The following EFCAB13 variants were observed in gnomAD, a reference collection of about 807,000 sequenced individuals.
The protein encoded by EFCAB13 is EF-hand calcium-binding domain-containing protein 13.
Under a neutral mutation model 110.2 loss-of-function variants are expected in EFCAB13, and 91 were observed. The observed-to-expected ratio is 0.83, with a 90% CI of 0.70 to 0.98. The LOEUF (loss-of-function observed/expected upper bound fraction) is 0.98, where lower values mean the gene tolerates loss of function less well. Ranked by LOEUF, EFCAB13 falls within the 50% of genes least tolerant of loss-of-function variation. EFCAB13 has a pLI of 0.00. For missense variants in EFCAB13, 968 were observed against 1,119.4 expected, an observed-to-expected ratio of 0.86 and a Z score of 1.93; for synonymous variants, 323 against 369.9, an observed-to-expected ratio of 0.87 and a Z score of 1.45.
chr17:47,368,500 A>G (rs944521367), intron 10 of EFCAB13, among the ~76,000 whole-genome samples: 3 of 152,208 alleles, frequency 2.0e-5, no homozygotes, highest in Non-Finnish European at 4.4e-5. Flanking sequence ...GGTAGAATAT[A>G]GTGATATTTC....
Position 47,374,950 on chromosome 17 carries a change from T to C in EFCAB13, c.1356T>C (p.Thr452=), listed in dbSNP as rs2143362704. 3 of 1,578,254 alleles carry C rather than the reference T, an allele frequency of 1.9e-6. No homozygotes were observed. In the South Asian group the frequency reaches 3.6e-5, roughly 19 times the overall value. Residue 452 remains threonine (T), a synonymous_variant, in exon 12 of 25, where the codon ACT becomes ACC. Coordinates refer to ENST00000331493, the MANE Select transcript of EFCAB13 (RefSeq NM_152347.5). The part of the protein sequence containing the change: ...LQKQVSSTEK[T]AISTLENFCE... Reference sequence around the variant, plus strand: ...AACAGGTTTCGTCTACGGAAAAAACTGCAATTAGTACTCTGGGTAAGTAAA... The same window carrying C: ...AACAGGTTTCGTCTACGGAAAAAACCGCAATTAGTACTCTGGGTAAGTAAA...
intron 24 of EFCAB13, among the ~76,000 whole-genome samples, chr17:47,434,406 G>A (rs560757432): frequency 6.6e-6 from 1 of 152,132 alleles, no homozygotes; most frequent in African/African-American, 2.4e-5. Context: ...CTGAAAGAGA[G>A]TATCAGTGAC....
rs2065286264 is a variant in EFCAB13 at position 47,326,368 on chromosome 17, T to C, written c.-105T>C. 1 of 152,284 alleles carries C rather than the reference T, an allele frequency of 6.6e-6. No individual in the cohort carries two copies. The highest frequency in any genetic ancestry group is 6.5e-5 in the Admixed American group (1 of 15,298). The allele number at this position is 152,284 out of a possible 1,614,324, so 9.4% of individuals were successfully genotyped here. A position where few individuals can be genotyped will look rare whatever the true frequency, so the allele number is the denominator to read the frequency against. On this transcript the variant is annotated 5_prime_UTR_variant, in exon 3 of 25. Coordinates refer to ENST00000331493, the MANE Select transcript of EFCAB13 (RefSeq NM_152347.5). ...GTCAACTCTGCTTAATTAAGCACTT[T>C]GATGATTTAAGAAATCTTGGTGAGT...
chr17:47,400,767 A>G (rs1350077319), intron 17 of EFCAB13, among the ~76,000 whole-genome samples: 1 of 152,074 alleles, frequency 6.6e-6, no homozygotes, highest in Non-Finnish European at 1.5e-5. Flanking sequence ...ACCAAGAACT[A>G]GATTCAGAGG....
At chr17:47,340,588 A>AT (rs900756586) in intron 5 of EFCAB13, among the ~76,000 whole-genome samples, 1 of 151,576 alleles carries the variant, frequency 6.6e-6, no homozygotes, top group Non-Finnish European at 1.5e-5. Context: ...GTCTCTCATG[A>AT]TTTTTTATTT....
rs868709586 is a variant in EFCAB13 at position 47,368,974 on chromosome 17, C to T, written c.806-1463C>T. The stretch of plus-strand genomic sequence containing the variant: ...CCACTTAAAGGATGCCAATGATGTA[C>T]CAATCCAGTGTGAAATCTCTCCTCT... On this transcript the variant is annotated intron_variant, in intron 10 of 24. Coordinates refer to ENST00000331493, the MANE Select transcript of EFCAB13 (RefSeq NM_152347.5). Among the ~76,000 whole-genome samples the T allele has an allele frequency of 2.6e-5, 4 of 152,270 alleles. 1 individual carries two copies. In the Middle Eastern group the frequency reaches 0.014, roughly 518 times the overall value.
intron 20 of EFCAB13, among the ~76,000 whole-genome samples, chr17:47,409,008 C>A (rs1283425320): frequency 1.3e-5 from 2 of 152,122 alleles, no homozygotes; most frequent in African/African-American, 4.8e-5. Flanking sequence ...CAAATTAAGG[C>A]AAATATAATT....
intron 23 of EFCAB13, among the ~76,000 whole-genome samples, chr17:47,424,540 A>T (rs1458582024): frequency 6.6e-6 from 1 of 152,124 alleles, no homozygotes; most frequent in Non-Finnish European, 1.5e-5. Flanking sequence ...ACAGATACTT[A>T]TTTCTCTCTG....
intron 2 of EFCAB13, among the ~76,000 whole-genome samples, chr17:47,325,759 A>G (rs1598712307): frequency 6.8e-6 from 1 of 148,078 alleles, no homozygotes; most frequent in Non-Finnish European, 1.5e-5. Flanking sequence ...TGTTCCCTGC[A>G]TCTCTTCCCC....
chr17:47,397,544 C>G (rs911305813), intron 17 of EFCAB13, among the ~76,000 whole-genome samples: 2 of 150,936 alleles, frequency 1.3e-5, no homozygotes, highest in African/African-American at 4.9e-5. Flanking sequence ...TCTGCCCGGC[C>G]GCCATCCCAT....
intron 21 of EFCAB13, among the ~76,000 whole-genome samples, chr17:47,410,823 T>A (rs187408078): frequency 9.6e-4 from 147 of 152,348 alleles, no homozygotes; most frequent in African/African-American, 3.4e-3. Context: ...TTTGACTCCA[T>A]GAGTCAATTA....
chr17:47,363,883 C>T (rs1340612942), intron 10 of EFCAB13, among the ~76,000 whole-genome samples: 1 of 151,986 alleles, frequency 6.6e-6, no homozygotes, highest in Non-Finnish European at 1.5e-5. Context: ...ATGGTGTGCT[C>T]TGGGGTGAGG....
chr17:47,438,965 A>T (rs879736615), intron 24 of EFCAB13, among the ~76,000 whole-genome samples: 6 of 151,808 alleles, frequency 4.0e-5, no homozygotes, highest in Non-Finnish European at 8.8e-5. Flanking sequence ...GGCCTCCTGT[A>T]TTTCCAAGCT....
chr17:47,325,339 T>G (rs918528435), intron 2 of EFCAB13, among the ~76,000 whole-genome samples: 1 of 152,076 alleles, frequency 6.6e-6, no homozygotes, highest in East Asian at 1.9e-4. Context: ...TGCTCACTCT[T>G]GAAGTACTTT....
At chr17:47,406,102 A>G (rs937895434) in intron 20 of EFCAB13, among the ~76,000 whole-genome samples, 2 of 152,076 alleles carry the variant, frequency 1.3e-5, no homozygotes, top group African/African-American at 4.8e-5. Context: ...ATTTCAAAGC[A>G]ATTTATTTAT....
intron 12 of EFCAB13, among the ~76,000 whole-genome samples, chr17:47,375,387 T>C (rs545410497): frequency 6.6e-6 from 1 of 152,180 alleles, no homozygotes; most frequent in South Asian, 2.1e-4. Flanking sequence ...ACCTTTTGTG[T>C]TCAAGTGATC....
intron 4 of EFCAB13, among the ~76,000 whole-genome samples, chr17:47,334,825 G>A (rs1054212489): frequency 1.3e-5 from 2 of 152,162 alleles, no homozygotes; most frequent in Non-Finnish European, 2.9e-5. Flanking sequence ...TGAGGTGGGA[G>A]AATTGCTTGA....
chr17:47,434,843 A>G (rs1361477352), intron 24 of EFCAB13, among the ~76,000 whole-genome samples: 1 of 152,182 alleles, frequency 6.6e-6, no homozygotes, highest in Non-Finnish European at 1.5e-5. Context: ...TCACATGTAG[A>G]AACACGAAAC....
chr17:47,375,783 T>C (rs374711565), intron 12 of EFCAB13, among the ~76,000 whole-genome samples: 1 of 152,206 alleles, frequency 6.6e-6, no homozygotes, highest in East Asian at 1.9e-4. Flanking sequence ...TTTTGTAATT[T>C]ATTAAACATT....
Sources: gnomAD v4.1 joint callset for allele counts (sites outside exome capture counted in the v4.1 genomes callset) on GRCh38, gnomAD v4.1.1 for gene constraint, MANE v1.5 for transcripts, NCBI Gene and HGNC (gene_info 2026-07-23, HGNC 2026-07-21) for gene names.